MDGA2: variants seen among roughly 807,000 people sequenced by gnomAD.
The protein encoded by MDGA2 is MAM domain-containing glycosylphosphatidylinositol anchor protein 2.
Under a neutral mutation model 117.8 loss-of-function variants are expected in MDGA2, and 40 were observed. The ratio of observed to expected loss-of-function variants is 0.34; its 90% CI spans 0.26 to 0.44. The LOEUF is 0.44. MDGA2 is among the 20% of genes least tolerant of loss of function. The pLI is 1.00. For synonymous variants in MDGA2, 452 were observed against 439.0 expected, an observed-to-expected ratio of 1.03 and a Z score of -0.37; for missense variants, 1,123 against 1,250.6, an observed-to-expected ratio of 0.90 and a Z score of 1.54.
intron 1 of MDGA2, among the ~76,000 whole-genome samples, chr14:47,366,227 G>A (rs947900925): frequency 6.6e-6 from 1 of 152,096 alleles, no homozygotes; most frequent in African/African-American, 2.4e-5. Flanking sequence ...GAAGGCTATT[G>A]GAAGAGTGCT....
chr14:47,380,182 G>A (rs1242319662), intron 1 of MDGA2, among the ~76,000 whole-genome samples: 1 of 152,100 alleles, frequency 6.6e-6, no homozygotes, highest in African/African-American at 2.4e-5. Context: ...TGAGAACAAA[G>A]ACACAACATA....
rs115043268 is a variant in MDGA2, at chr14:47,154,993, C to T, written c.596-10719G>A. On this transcript the variant is annotated intron_variant, in intron 3 of 16. Coordinates refer to ENST00000399232, the MANE Select transcript of MDGA2 (RefSeq NM_001113498.3). ...GCAAGCACTTCCTCCCCTCGGAAGC[C>T]GATTAAAATCCCAGACTCAGCCAGA... 2.0e-3 allele frequency among the ~76,000 whole-genome samples: 302 copies of T among 152,210 alleles called. 1 individual carries two copies. Among genetic ancestry groups the T allele is most frequent in the African/African-American group, 7.1e-3 (296 of 41,552 alleles).
Position 46,845,834 on chromosome 14 carries a change from C to T in MDGA2, c.2921G>A (p.Gly974Asp). The change falls in exon 16 of 17, where the codon GGT (glycine) becomes GAT (aspartate). Residue 974 changes from glycine (G) to aspartate (D), a missense_variant. Gly to Asp is a moderately conservative substitution (Grantham distance 94). Coordinates refer to ENST00000399232, the MANE Select transcript of MDGA2 (RefSeq NM_001113498.3). Reference sequence around the variant, plus strand: ...TGATACATCATCAATAGCAATGTCACCTTCTATTCCAGGACCTCGGATACC... The same window carrying T: ...TGATACATCATCAATAGCAATGTCATCTTCTATTCCAGGACCTCGGATACC... ...FEGIRGPGIE[G>D]DIAIDDVSIA... The T allele has an allele frequency of 6.2e-7, 1 of 1,613,482 alleles. No homozygotes were observed. Among genetic ancestry groups the T allele is most frequent in the Non-Finnish European group, 8.5e-7 (1 of 1,179,642 alleles).
chr14:47,590,989 G>GA (rs1025435333), intron 1 of MDGA2, among the ~76,000 whole-genome samples: 17 of 150,670 alleles, frequency 1.1e-4, no homozygotes, highest in African/African-American at 1.9e-4. Context: ...TGAATTGTTA[G>GA]AAAAAAAAAG....
intron 8 of MDGA2, among the ~76,000 whole-genome samples, chr14:47,032,424 A>G (rs1361638139): frequency 6.6e-6 from 1 of 152,052 alleles, no homozygotes; most frequent in Non-Finnish European, 1.5e-5. Flanking sequence ...CGGTCTCTAC[A>G]CAAAATTAAA....
chr14:47,539,920 A>G lies in MDGA2; in HGVS notation c.280+134597T>C, dbSNP rs1895303200. On this transcript the variant is annotated intron_variant, in intron 1 of 16. Coordinates refer to ENST00000399232, the MANE Select transcript of MDGA2 (RefSeq NM_001113498.3). ...CTGGCCTCGTCAAGGTTCCTAGAAC[A>G]CACTAGCAAATCCATTCAGGGCATC... Among the ~76,000 whole-genome samples the G allele has an allele frequency of 2.6e-5, 4 of 152,232 alleles. No individual in the cohort carries two copies. In the South Asian group the frequency reaches 8.3e-4, roughly 31 times the overall value.
At chr14:47,050,039 G>A (rs1333669727) in intron 7 of MDGA2, among the ~76,000 whole-genome samples, 2 of 151,942 alleles carry the variant, frequency 1.3e-5, no homozygotes, top group East Asian at 3.9e-4. Flanking sequence ...GTGATTTGAG[G>A]TTTCTAAAAT....
chr14:47,590,305 A>G (rs1223331334), intron 1 of MDGA2, among the ~76,000 whole-genome samples: 1 of 151,966 alleles, frequency 6.6e-6, no homozygotes. Flanking sequence ...ATGCCAAAAG[A>G]AAGATGCAAT....
chr14:47,359,762 A>AG (rs1452427209), intron 1 of MDGA2, among the ~76,000 whole-genome samples: 28 of 151,278 alleles, frequency 1.9e-4, no homozygotes, highest in Admixed American at 1.4e-3. Flanking sequence ...AAAAAAAAAA[A>AG]AAAAGAAAAG....
At chr14:47,339,308 T>C (rs1278274532) in intron 1 of MDGA2, among the ~76,000 whole-genome samples, 1 of 152,156 alleles carries the variant, frequency 6.6e-6, no homozygotes, top group Non-Finnish European at 1.5e-5. Context: ...TTTATTTTTC[T>C]CAAGAAAAGA....
chr14:47,595,916 C>G (rs1011599999), intron 1 of MDGA2, among the ~76,000 whole-genome samples: 1 of 152,138 alleles, frequency 6.6e-6, no homozygotes, highest in Non-Finnish European at 1.5e-5. Flanking sequence ...TTAATAAGAT[C>G]CCCATAGGGA....
intron 2 of MDGA2, among the ~76,000 whole-genome samples, chr14:47,218,448 G>A (rs544808153): frequency 1.3e-5 from 2 of 152,178 alleles, no homozygotes; most frequent in South Asian, 4.2e-4. Context: ...AGTGTGGAGG[G>A]CAATATAAAC....
chr14:47,448,674 A>G (rs932562014), intron 1 of MDGA2, among the ~76,000 whole-genome samples: 2 of 152,136 alleles, frequency 1.3e-5, no homozygotes, highest in Admixed American at 1.3e-4. Context: ...TATGCTTTAT[A>G]AAACAGTAAT....
rs150794914 is a variant in MDGA2 at position 47,500,355 on chromosome 14, T to G, written c.280+174162A>C. Among the ~76,000 whole-genome samples the G allele has an allele frequency of 1.6e-3, 241 of 152,166 alleles. 1 individual carries two copies. Among genetic ancestry groups the G allele is most frequent in the African/African-American group, 5.5e-3 (230 of 41,518 alleles). ...ACCAGGGGTCTTCTCTATACATTGG[T>G]AATAAGAAAATCAACACTACAAAAG... On this transcript the variant is annotated intron_variant, in intron 1 of 16. Transcript: ENST00000399232.
intron 7 of MDGA2, among the ~76,000 whole-genome samples, chr14:47,059,970 G>C (rs1889822660): frequency 6.6e-6 from 1 of 152,092 alleles, no homozygotes; most frequent in Non-Finnish European, 1.5e-5. Flanking sequence ...ATGGATATTT[G>C]TTGATTGAAT....
At chr14:47,510,302 G>A (rs1471316234) in intron 1 of MDGA2, among the ~76,000 whole-genome samples, 2 of 152,164 alleles carry the variant, frequency 1.3e-5, no homozygotes, top group African/African-American at 4.8e-5. Flanking sequence ...CCGGAACTGT[G>A]AGAAATAAAT....
intron 1 of MDGA2, among the ~76,000 whole-genome samples, chr14:47,549,069 T>C (rs796740384): frequency 6.6e-6 from 1 of 152,078 alleles, no homozygotes; most frequent in African/African-American, 2.4e-5. Flanking sequence ...TAGTGACAAA[T>C]CAGTGAGGAT....
intron 6 of MDGA2, among the ~76,000 whole-genome samples, chr14:47,079,357 C>G (rs2138879888): frequency 6.6e-6 from 1 of 152,240 alleles, no homozygotes; most frequent in African/African-American, 2.4e-5. Context: ...AAAACCCAAG[C>G]ATTGATGAAA....
At chr14:47,570,321 C>T (rs1895995914) in intron 1 of MDGA2, among the ~76,000 whole-genome samples, 1 of 152,016 alleles carries the variant, frequency 6.6e-6, no homozygotes, top group Non-Finnish European at 1.5e-5. Flanking sequence ...CAAAACCAAC[C>T]TAACGTGAAC....
Sources: allele counts gnomAD v4.1 joint callset (sites outside exome capture counted in the v4.1 genomes callset), GRCh38; gene constraint gnomAD v4.1.1; transcripts MANE v1.5; gene names NCBI Gene and HGNC (gene_info 2026-07-23, HGNC 2026-07-21).